MMP3: variants seen among roughly 807,000 people sequenced by gnomAD.
MMP3 encodes matrix metallopeptidase 3.
A neutral mutation model predicts 47.3 loss-of-function variants in MMP3; 46 were observed. The ratio of observed to expected loss-of-function variants is 0.97; its 90% CI spans 0.77 to 1.24. The LOEUF (loss-of-function observed/expected upper bound fraction) is 1.24. Among genes scored for constraint, MMP3 ranks in the 50% most tolerant of loss-of-function variants. The pLI is 0.00. For synonymous variants in MMP3, 216 were observed against 206.5 expected (o/e 1.05, Z -0.39); for missense variants, 558 against 565.5 (o/e 0.99, Z 0.13).
In MMP3 at chr11:102,842,796, T is replaced by C; in HGVS notation, c.226A>G (p.Thr76Ala). Reference sequence around the variant, plus strand: ...AGAGTGTCGGAGTCCAGCTTCCCCGTCACCTCCAATCCAAGGAACTTCTGC... The same window carrying C: ...AGAGTGTCGGAGTCCAGCTTCCCCGCCACCTCCAATCCAAGGAACTTCTGC... ...EMQKFLGLEVTGKLDSDTLEV... is the reference protein window; with the variant it reads ...EMQKFLGLEVAGKLDSDTLEV... The change falls in exon 2 of 10, where the codon ACG becomes GCG. Residue 76 changes from threonine (T) to alanine (A), a missense_variant. Physicochemically the swap from Thr to Ala is moderately conservative, Grantham distance 58. Coordinates refer to ENST00000299855, the MANE Select transcript of MMP3 (RefSeq NM_002422.5). 2 of 1,613,934 alleles carry C rather than the reference T, an allele frequency of 1.2e-6. No individual in the cohort carries two copies.
At chr11:102,838,742 G>A (rs782015560) in intron 7 of MMP3, 32 bp from the exon 8 acceptor site, 9 of 1,593,370 alleles carry the variant, frequency 5.6e-6, no homozygotes, top group Non-Finnish European at 7.7e-6. Flanking sequence ...GAGTCATATT[G>A]AATTATAACA....
At chr11:102,840,684 T>C (rs1286474576) in intron 4 of MMP3, 91 bp from the exon 5 acceptor site, 2 of 1,342,160 alleles carry the variant, frequency 1.5e-6, no homozygotes, top group East Asian at 4.8e-5. Flanking sequence ...TTTTTACTTC[T>C]TGGAACCACA....
Position 102,836,439 on chromosome 11 carries a change from T to A in MMP3, c.1334-213A>T. Reference sequence around the variant, plus strand: ...TTGTATGTCTAACTCCATTTACAGATTGAGCAAGTTGAGGTTGAGACAGAT... The same window carrying A: ...TTGTATGTCTAACTCCATTTACAGAATGAGCAAGTTGAGGTTGAGACAGAT... On this transcript the variant is annotated intron_variant, in intron 9 of 9. Transcript: ENST00000299855. The surrounding 1 kb of genome is among the most constrained non-coding windows in gnomAD (Gnocchi z 4.6). 1 of 620,254 alleles carries A rather than the reference T, an allele frequency of 1.6e-6. No individual in the cohort carries two copies. Among genetic ancestry groups the A allele is most frequent in the South Asian group, 1.5e-5 (1 of 65,786 alleles). The allele number at this position is 620,254 out of a possible 1,614,324, so 38.4% of individuals were successfully genotyped here. A position where few individuals can be genotyped will look rare whatever the true frequency, so the allele number is the denominator to read the frequency against.
chr11:102,842,318 G>A (rs1265018498), intron 3 of MMP3, 39 bp from the exon 4 acceptor site: 3 of 1,581,692 alleles, frequency 1.9e-6, no homozygotes, highest in Non-Finnish European at 2.6e-6. Context: ...TATGTAACAA[G>A]GATCCCTTTT....
chr11:102,840,443 A>G lies in MMP3; in HGVS notation c.776T>C (p.Ile259Thr). The G allele has an allele frequency of 1.2e-6, 2 of 1,613,960 alleles. No individual in the cohort carries two copies. The highest frequency in any genetic ancestry group is 1.7e-6 in the Non-Finnish European group (2 of 1,179,958). Residue 259 changes from isoleucine to threonine, a missense_variant, in exon 5 of 10, where the codon ATT becomes ACT. Ile to Thr is a moderately conservative substitution (Grantham distance 89, BLOSUM62 -1). Coordinates refer to ENST00000299855, the MANE Select transcript of MMP3 (RefSeq NM_002422.5). ...GTGTCACTCACCATAGAGGGACTGA[A>G]TGCCATTTATATCATCTTGAGACAG... The part of the protein sequence containing the change: ...FRLSQDDING[I>T]QSLYGPPPDS...
At chr11:102,841,067 T>C (rs1555005360) in intron 4 of MMP3, among the ~76,000 whole-genome samples, 1 of 152,236 alleles carries the variant, frequency 6.6e-6, no homozygotes, top group East Asian at 1.9e-4. Flanking sequence ...CTCATCATCA[T>C]GAAGTACATA....
Position 102,842,892 on chromosome 11 carries a change from G to T in MMP3, c.130C>A (p.Leu44Ile), listed in dbSNP as rs2134402897. Reference sequence around the variant, plus strand: ...ACAAACTGTTTCACATCTTTTTTGAGGTCGTAGTAGTTTTCTAGATATTTC... The same window carrying T: ...ACAAACTGTTTCACATCTTTTTTGATGTCGTAGTAGTTTTCTAGATATTTC... ...VQKYLENYYD[L>I]KKDVKQFVRR... Residue 44 changes from leucine (L) to isoleucine (I), a missense_variant, in exon 2 of 10, where the codon CTC becomes ATC. Physicochemically the swap from Leu to Ile is conservative, Grantham distance 5 (BLOSUM62 2). Transcript: ENST00000299855. 6.2e-7 allele frequency: 1 copy of T among 1,608,608 alleles called. No homozygotes were observed. Among genetic ancestry groups the T allele is most frequent in the Non-Finnish European group, 8.5e-7 (1 of 1,176,466 alleles).
At chr11:102,839,965 G>T in intron 6 of MMP3, 143 bp downstream of exon 6, 1 of 879,842 alleles carries the variant, frequency 1.1e-6, no homozygotes, top group Non-Finnish European at 1.6e-6. Context: ...GTGGGAAAAG[G>T]CAGCACCAGA....
At chr11:102,842,347 C>G in intron 3 of MMP3, 68 bp from the exon 4 acceptor site, 1 of 1,560,910 alleles carries the variant, frequency 6.4e-7, no homozygotes, top group South Asian at 1.2e-5. Flanking sequence ...TCCAGTACAA[C>G]AACACCAGAT....
At position 102,838,637 on chromosome 11, in the gene MMP3, G is replaced by A. The variant is rs201667769; in HGVS notation, c.1143C>T (p.Phe381=). Reference sequence around the variant, plus strand: ...CATCGATTTTCCTCACGGTTGGAGGGAAACCTAGGGTGTGGATGCCTCTTG... The same window carrying A: ...CATCGATTTTCCTCACGGTTGGAGGAAAACCTAGGGTGTGGATGCCTCTTG... ...GYPRGIHTLG[F]PPTVRKIDAA... Residue 381 remains phenylalanine, a synonymous_variant, in exon 8 of 10, where the codon TTC becomes TTT. Coordinates refer to ENST00000299855, the MANE Select transcript of MMP3 (RefSeq NM_002422.5). 2 of 1,613,428 alleles carry A rather than the reference G, an allele frequency of 1.2e-6. No individual in the cohort carries two copies. The highest frequency in any genetic ancestry group is 1.7e-6 in the Non-Finnish European group (2 of 1,179,864).
In MMP3 at chr11:102,842,466, C is replaced by T. The variant is rs781892488; in HGVS notation, c.464G>A (p.Gly155Glu). The change falls in exon 3 of 10, where the codon GGA (glycine) becomes GAA (glutamate). Residue 155 changes from glycine (G) to glutamate (E), a missense_variant. Transcript: ENST00000299855. ...TPLTFSRLYE[G>E]EADIMISFAV... ...AAAAGAGATCATTATATCAGCCTCT[C>T]CTTCATACAGCCTGGAGAATGTGAG... is the stretch of plus-strand genomic sequence containing the variant. The T allele has an allele frequency of 1.3e-6, 2 of 1,527,930 alleles. No individual in the cohort carries two copies. Among genetic ancestry groups the T allele is most frequent in the Non-Finnish European group, 1.8e-6 (2 of 1,131,448 alleles). The allele number at this position is 1,527,930 out of a possible 1,614,324, so 94.6% of individuals were successfully genotyped here.
chr11:102,836,059 A>C lies in MMP3; in HGVS notation c.*67T>G. 1.7e-6 allele frequency: 2 copies of C among 1,202,432 alleles called. No homozygotes were observed. Among genetic ancestry groups the C allele is most frequent in the Non-Finnish European group, 1.2e-6 (1 of 817,434 alleles). The allele number at this position is 1,202,432 out of a possible 1,614,324, so 74.5% of individuals were successfully genotyped here. Reference sequence around the variant, plus strand: ...GGAGAAAACGAACATTTCAATTCACAGAGACTTAGGTGAAGAATTATTAGC... The same window carrying C: ...GGAGAAAACGAACATTTCAATTCACCGAGACTTAGGTGAAGAATTATTAGC... On this transcript the variant is annotated 3_prime_UTR_variant, in exon 10 of 10. Transcript: ENST00000299855. The surrounding 1 kb of genome is among the most constrained non-coding windows in gnomAD (Gnocchi z 4.6).
In MMP3 at chr11:102,842,292, A is replaced by T; in HGVS notation, c.500-13T>A. On this transcript the variant is annotated splice_polypyrimidine_tract_variant and intron_variant, in intron 3 of 9. Transcript: ENST00000299855. ...AAGTCTCCATGTTCTAGTAGGAAAA[A>T]AATTTATTGGAAAGATATGTAACAA... is the stretch of plus-strand genomic sequence containing the variant. 6.3e-7 allele frequency: 1 copy of T among 1,594,290 alleles called. No individual in the cohort carries two copies. The highest frequency in any genetic ancestry group is 8.5e-7 in the Non-Finnish European group (1 of 1,173,900).
rs199988579 is a variant in MMP3 at position 102,842,428 on chromosome 11, T to C, written c.499+3A>G. The C allele has an allele frequency of 2.3e-5, 29 of 1,269,134 alleles. No individual in the cohort carries two copies. The highest frequency in any genetic ancestry group is 3.2e-5 in the Non-Finnish European group (29 of 907,836). The allele number at this position is 1,269,134 out of a possible 1,614,324, so 78.6% of individuals were successfully genotyped here. On this transcript the variant is annotated splice_donor_region_variant and intron_variant, in intron 3 of 9. Coordinates refer to ENST00000299855, the MANE Select transcript of MMP3 (RefSeq NM_002422.5). ...GCTTTTTTTTTTTTTTTTTTTTTTT[T>C]ACCTCTAACTGCAAAAGAGATCATT...
Position 102,837,525 on chromosome 11 carries a change from C to T in MMP3, c.1230-124G>A. On this transcript the variant is annotated intron_variant, in intron 8 of 9. Transcript: ENST00000299855. This position sits in a 1 kb window ranked among gnomAD's most constrained non-coding sequence, Gnocchi z 4.4. The stretch of plus-strand genomic sequence containing the variant: ...ATAAATACTGCAAATAAATGCCAAG[C>T]ATATTTGGGACTATAGAAATATGTG... 1 of 689,282 alleles carries T rather than the reference C, an allele frequency of 1.5e-6. No individual in the cohort carries two copies. Among genetic ancestry groups the T allele is most frequent in the Non-Finnish European group, 2.5e-6 (1 of 402,224 alleles). The allele number at this position is 689,282 out of a possible 1,614,324, so 42.7% of individuals were successfully genotyped here. A position where few individuals can be genotyped will look rare whatever the true frequency, so the allele number is the denominator to read the frequency against.
chr11:102,840,653 G>T (rs1858981223), intron 4 of MMP3, 60 bp from the exon 5 acceptor site: 1 of 1,554,082 alleles, frequency 6.4e-7, no homozygotes, highest in African/African-American at 1.4e-5. Flanking sequence ...CATTACACAG[G>T]TCTGCTGTGC....
At position 102,836,226 on chromosome 11, in the gene MMP3, C is replaced by A; in HGVS notation, c.1334G>T (p.Gly445Val). The change falls in exon 10 of 10, where the codon GGG (glycine) becomes GTG (valine). Residue 445 changes from glycine to valine, a missense_variant and splice_region_variant. Transcript: ENST00000299855. This position sits in a 1 kb window ranked among gnomAD's most constrained non-coding sequence, Gnocchi z 4.6. ...SKIDAVFEEF[G>V]FFYFFTGSSQ... ...AGATCCAGTAAAGAAATAAAAGAACCCTGCAAATACAGACAAGGGAAATAG... is the reference window on the plus strand; with the variant it reads ...AGATCCAGTAAAGAAATAAAAGAACACTGCAAATACAGACAAGGGAAATAG... 1.2e-6 allele frequency: 2 copies of A among 1,607,650 alleles called. No homozygotes were observed. Among genetic ancestry groups the A allele is most frequent in the South Asian group, 1.1e-5 (1 of 90,560 alleles).
rs3025068 is a variant in MMP3, at chr11:102,839,526, A to G, written c.936-283T>C. On this transcript the variant is annotated intron_variant, in intron 6 of 9. Coordinates refer to ENST00000299855, the MANE Select transcript of MMP3 (RefSeq NM_002422.5). ...CCAGCATAAGCTTTAATTACCTGCA[A>G]TGTATGCAAAACAGTGCGTGTGCTA... 8.5e-3 allele frequency among the ~76,000 whole-genome samples: 1,288 copies of G among 152,340 alleles called. 22 individuals are homozygous for G. Among genetic ancestry groups the G allele is most frequent in the African/African-American group, 0.029 (1,224 of 41,578 alleles).
Position 102,842,203 on chromosome 11 carries a change from A to G in MMP3, c.576T>C (p.Asn192=). 6.2e-7 allele frequency: 1 copy of G among 1,612,796 alleles called. No homozygotes were observed. The highest frequency in any genetic ancestry group is 8.5e-7 in the Non-Finnish European group (1 of 1,179,320). The change falls in exon 4 of 10, where the codon AAT becomes AAC. Residue 192 remains asparagine (N), a synonymous_variant. Transcript: ENST00000299855. ...CATCATCATCAAAGTGGGCATCTCCATTAATCCCTGGCCCAGGGGCATAGG... is the reference window on the plus strand; with the variant it reads ...CATCATCATCAAAGTGGGCATCTCCGTTAATCCCTGGCCCAGGGGCATAGG... ...AHAYAPGPGI[N]GDAHFDDDEQ...
Sources: gnomAD v4.1 joint callset for allele counts (sites outside exome capture counted in the v4.1 genomes callset) on GRCh38, gnomAD v4.1.1 for gene constraint, Gnocchi (gnomAD v3.1) non-coding constraint, MANE v1.5 for transcripts, NCBI Gene and HGNC (gene_info 2026-07-23, HGNC 2026-07-21) for gene names.